TMEM108: variants seen among roughly 807,000 people sequenced by gnomAD.
The protein encoded by TMEM108 is transmembrane protein 108, also known as cancer/testis antigen 124.
In TMEM108, 12 loss-of-function variants were observed where a neutral mutation model predicts 35.1. The ratio of observed to expected loss-of-function variants is 0.34; its 90% CI spans 0.22 to 0.55. The LOEUF is 0.55. Among genes scored for constraint, TMEM108 ranks in the 20% least tolerant of loss-of-function variants. The probability of loss-of-function intolerance (pLI) is 0.89; values close to 1 mark genes in which losing one functional copy is unlikely to be tolerated. For missense variants in TMEM108, 680 were observed against 753.3 expected (o/e 0.90, Z 1.14); for synonymous variants, 287 against 308.6 (o/e 0.93, Z 0.73).
At chr3:133,386,111 T>C (rs1251297674) in intron 4 of TMEM108, among the ~76,000 whole-genome samples, 1 of 152,190 alleles carries the variant, frequency 6.6e-6, no homozygotes, top group Non-Finnish European at 1.5e-5. Context: ...AGGGGTTCCA[T>C]GTCCAGCAGG....
At chr3:133,391,153 C>T (rs1230614138) in intron 5 of TMEM108, among the ~76,000 whole-genome samples, 1 of 152,098 alleles carries the variant, frequency 6.6e-6, no homozygotes, top group Non-Finnish European at 1.5e-5. Flanking sequence ...CTTTGGGTGA[C>T]CCAGTTTTAG....
intron 3 of TMEM108, among the ~76,000 whole-genome samples, chr3:133,348,274 TATA>T (rs1001032790): frequency 1.3e-5 from 2 of 152,072 alleles, no homozygotes; most frequent in Non-Finnish European, 2.9e-5. Flanking sequence ...AAAATTTAAA[TATA>T]ATAAAGGTAG....
intron 3 of TMEM108, among the ~76,000 whole-genome samples, chr3:133,249,429 C>T (rs1946434012): frequency 6.6e-6 from 1 of 152,164 alleles, no homozygotes; most frequent in South Asian, 2.1e-4. Context: ...CTGAGCATGA[C>T]AGATGTAAAC....
intron 2 of TMEM108, among the ~76,000 whole-genome samples, chr3:133,084,977 G>A (rs1943862921): frequency 6.6e-6 from 1 of 152,174 alleles, no homozygotes; most frequent in South Asian, 2.1e-4. Flanking sequence ...GTGTGTTTCA[G>A]TTATACCAGA....
intron 3 of TMEM108, among the ~76,000 whole-genome samples, chr3:133,354,906 T>G (rs888686812): frequency 2.0e-5 from 3 of 152,122 alleles, no homozygotes; most frequent in African/African-American, 7.2e-5. Context: ...CTAGCTGTAG[T>G]TCACTTCTGA....
chr3:133,065,515 A>G (rs948347883), intron 2 of TMEM108, among the ~76,000 whole-genome samples: 1 of 152,114 alleles, frequency 6.6e-6, no homozygotes, highest in African/African-American at 2.4e-5. Context: ...TGTTCCAGAA[A>G]CAGGTTCTTT....
intron 2 of TMEM108, among the ~76,000 whole-genome samples, chr3:133,140,752 C>T (rs1234888787): frequency 2.0e-5 from 3 of 152,006 alleles, no homozygotes; most frequent in Admixed American, 1.3e-4. Context: ...GTGATAGAAA[C>T]ATATCACAGT....
At chr3:133,274,232 G>A (rs2107684059) in intron 3 of TMEM108, among the ~76,000 whole-genome samples, 1 of 152,324 alleles carries the variant, frequency 6.6e-6, no homozygotes, top group South Asian at 2.1e-4. Context: ...CTGAGGACAA[G>A]CCTTCTGACT....
chr3:133,271,377 T>G (rs1488606337), intron 3 of TMEM108, among the ~76,000 whole-genome samples: 1 of 152,218 alleles, frequency 6.6e-6, no homozygotes, highest in African/African-American at 2.4e-5. Context: ...TTTAACCTTT[T>G]CAATACTATG....
At chr3:133,312,909 T>C (rs1312125221) in intron 3 of TMEM108, among the ~76,000 whole-genome samples, 1 of 152,220 alleles carries the variant, frequency 6.6e-6, no homozygotes, top group Non-Finnish European at 1.5e-5. Flanking sequence ...TGACATTCTC[T>C]TACAGAACCA....
At chr3:133,278,814 G>T (rs1041644470) in intron 3 of TMEM108, among the ~76,000 whole-genome samples, 4 of 152,166 alleles carry the variant, frequency 2.6e-5, no homozygotes, top group Admixed American at 6.5e-5. Context: ...TAGCTACCCA[G>T]TGTAGTTCAG....
chr3:133,289,204 C>T (rs58668505), intron 3 of TMEM108, among the ~76,000 whole-genome samples: 4 of 152,022 alleles, frequency 2.6e-5, no homozygotes, highest in Non-Finnish European at 5.9e-5. Context: ...GGGGGTCCAT[C>T]ATTTTATCCT....
chr3:133,098,644 G>T (rs1944047661), intron 2 of TMEM108, among the ~76,000 whole-genome samples: 1 of 152,162 alleles, frequency 6.6e-6, no homozygotes, highest in African/African-American at 2.4e-5. Context: ...TACAGGTATT[G>T]GGTAAATATA....
At chr3:133,294,833 C>G (rs1020558085) in intron 3 of TMEM108, among the ~76,000 whole-genome samples, 25 of 152,156 alleles carry the variant, frequency 1.6e-4, no homozygotes, top group Admixed American at 1.6e-3. Context: ...TCCATATGTC[C>G]TATTTCCTGA....
chr3:133,247,841 G>T (rs1946409402), intron 3 of TMEM108: 1 of 152,200 alleles, frequency 6.6e-6, no homozygotes, highest in South Asian at 2.1e-4. Flanking sequence ...GAGAAAAAAG[G>T]CTTCACATAG....
intron 3 of TMEM108, among the ~76,000 whole-genome samples, chr3:133,318,929 A>AAAAAAAG (rs1002565218): frequency 1.3e-5 from 2 of 151,706 alleles, no homozygotes; most frequent in Non-Finnish European, 2.9e-5. Flanking sequence ...GCAAAAAAAA[A>AAAAAAAG]AACTCAGGGG....
At chr3:133,369,433 A>G (rs1196655658) in intron 3 of TMEM108, among the ~76,000 whole-genome samples, 1 of 152,204 alleles carries the variant, frequency 6.6e-6, no homozygotes, top group Non-Finnish European at 1.5e-5. Context: ...TGGTACTGAC[A>G]AATAAGCTTT....
intron 2 of TMEM108, among the ~76,000 whole-genome samples, chr3:133,201,170 T>C (rs1246706419): frequency 2.0e-5 from 3 of 152,210 alleles, no homozygotes; most frequent in Non-Finnish European, 4.4e-5. Context: ...TGTCTGTGTA[T>C]ATCCACAGCT....
intron 3 of TMEM108, among the ~76,000 whole-genome samples, chr3:133,309,558 C>T (rs1321121145): frequency 1.3e-5 from 2 of 151,686 alleles, no homozygotes; most frequent in South Asian, 2.1e-4. Flanking sequence ...TCTGGTACGT[C>T]GTGTCTTTGT....
Sources: gnomAD v4.1 joint callset for allele counts (sites outside exome capture counted in the v4.1 genomes callset) on GRCh38, gnomAD v4.1.1 for gene constraint, MANE v1.5 for transcripts, NCBI Gene and HGNC (gene_info 2026-07-23, HGNC 2026-07-21) for gene names.